Variants in RGPD8 observed in about 807,000 individuals in gnomAD.
RGPD8 encodes the protein RANBP2-like and GRIP domain-containing protein 8.
A neutral mutation model predicts 89.1 loss-of-function variants in RGPD8; 15 were observed. That is an observed-to-expected ratio of 0.17 (90% CI 0.11 to 0.26). The LOEUF is 0.26. RGPD8 is among the 10% of genes least tolerant of loss of function. The pLI, the probability that RGPD8 is intolerant of heterozygous loss-of-function variation, is 1.00. For missense variants in RGPD8, 178 were observed against 1,179.6 expected, an observed-to-expected ratio of 0.15 and a Z score of 12.44; for synonymous variants, 62 against 420.9, an observed-to-expected ratio of 0.15 and a Z score of 10.44.
intron 7 of RGPD8, among the ~76,000 whole-genome samples, chr2:112,411,570 C>CAAAA (rs1190383425): frequency 6.3e-4 from 1 of 1,588 alleles, no homozygotes; most frequent in Non-Finnish European, 9.3e-4. Context: ...GACTGCGTCT[C>CAAAA]AAAAAAAAAA....
rs546932157 is a variant in RGPD8 at position 112,433,394 on chromosome 2, C to T, written c.60G>A (p.Pro20=). ...RYVASVLGLT[P]SPRQKSMKGF... is the part of the protein sequence containing the mutation. The stretch of plus-strand genomic sequence containing the variant: ...CAGACCCACTCACCTGTCGAGGCGA[C>T]GGGGTGAGACCCAGCACCGAGGCGA... Residue 20 remains proline (P), a synonymous_variant, in exon 1 of 23, where the codon CCG becomes CCA. Coordinates refer to ENST00000302558, the MANE Select transcript of RGPD8 (RefSeq NM_001164463.1). The T allele has an allele frequency of 1.9e-5, 31 of 1,610,326 alleles. No individual in the cohort carries two copies. In the South Asian group the frequency reaches 3.1e-4, roughly 16 times the overall value.
At chr2:112,404,627 TG>T (rs1678959296) in intron 8 of RGPD8, among the ~76,000 whole-genome samples, 1 of 20,444 alleles carries the variant, frequency 4.9e-5, no homozygotes, top group Non-Finnish European at 1.2e-4. Flanking sequence ...GAGGCCAAGC[TG>T]GGTGGATAAT....
intron 1 of RGPD8, among the ~76,000 whole-genome samples, chr2:112,429,758 A>C (rs943874993): frequency 1.3e-5 from 2 of 152,214 alleles, no homozygotes; most frequent in Non-Finnish European, 2.9e-5. Flanking sequence ...TAGAAAAACT[A>C]AACAGAAGCC....
chr2:112,433,334 C>CGCCCTCTTCCAGACCCACTCGCCTCG (rs1680145820), intron 1 of RGPD8, 48 bp downstream of exon 1: 1 of 1,389,352 alleles, frequency 7.2e-7, no homozygotes, highest in Non-Finnish European at 9.6e-7. Flanking sequence ...TCGAGGCCGC[C>CGCCCTCTTCCAGACCCACTCGCCTCG]GCCGCCCGGC....
chr2:112,413,777 C>T (rs1429865237), intron 6 of RGPD8, among the ~76,000 whole-genome samples: 1 of 102,354 alleles, frequency 9.8e-6, no homozygotes, highest in Non-Finnish European at 1.9e-5. Context: ...TCTTGGCTTA[C>T]TGCAACCTCT....
chr2:112,431,123 G>C (rs1162876431), intron 1 of RGPD8, among the ~76,000 whole-genome samples: 7 of 152,098 alleles, frequency 4.6e-5, no homozygotes, highest in African/African-American at 7.2e-5. Flanking sequence ...AGCGGGTGTG[G>C]TGGGTACACC....
rs1678868237 is a variant in RGPD8 at position 112,399,777 on chromosome 2, CATAGA to C, written c.1918-13_1918-9del. The C allele has an allele frequency of 6.3e-7, 1 of 1,594,854 alleles. No individual in the cohort carries two copies. The highest frequency in any genetic ancestry group is 1.6e-5 in the African/African-American group (1 of 64,314). ...TTCAACAATTTCTGATGCCTAAACA[CATAGA>C]ATAGTTTTTAGTCAAATTGTTTATA... On this transcript the variant is annotated splice_polypyrimidine_tract_variant and intron_variant, in intron 13 of 22. Coordinates refer to ENST00000302558, the MANE Select transcript of RGPD8 (RefSeq NM_001164463.1).
intron 1 of RGPD8, among the ~76,000 whole-genome samples, chr2:112,429,186 T>G (rs1417652461): frequency 6.6e-6 from 1 of 151,538 alleles, no homozygotes; most frequent in African/African-American, 2.4e-5. Flanking sequence ...TTTGGGAGGC[T>G]GAGGCGGGCG....
At chr2:112,380,477 C>A (rs1366770640) in intron 21 of RGPD8, among the ~76,000 whole-genome samples, 1 of 145,708 alleles carries the variant, frequency 6.9e-6, no homozygotes, top group Admixed American at 6.9e-5. Context: ...CATGGTAAAC[C>A]CTGTCTCTAC....
intron 1 of RGPD8, chr2:112,432,696 C>T (rs1680096853): frequency 1.0e-6 from 1 of 985,342 alleles, no homozygotes. Flanking sequence ...CCCCCGAGAA[C>T]TAGGCCGCGC....
At chr2:112,415,879 C>CAA (rs1333260729) in intron 6 of RGPD8, among the ~76,000 whole-genome samples, 16 of 115,036 alleles carry the variant, frequency 1.4e-4, no homozygotes, top group Non-Finnish European at 2.2e-4. Flanking sequence ...GACTCAGTCT[C>CAA]AAAAAAAAAA....
At chr2:112,424,968 GA>G (rs1489244925) in intron 1 of RGPD8, among the ~76,000 whole-genome samples, 1 of 151,360 alleles carries the variant, frequency 6.6e-6, no homozygotes, top group East Asian at 1.9e-4. Context: ...GGAGGCCAAG[GA>G]AGGAGAATCA....
chr2:112,391,223 T>C (rs1351559575), intron 18 of RGPD8, among the ~76,000 whole-genome samples, 154 bp from the exon 19 acceptor site: 55 of 150,666 alleles, frequency 3.7e-4, no homozygotes, highest in African/African-American at 1.3e-3. Context: ...AATACACCAA[T>C]CAAGATTATC....
chr2:112,429,415 CA>C (rs71412832), intron 1 of RGPD8, among the ~76,000 whole-genome samples: 255 of 45,760 alleles, frequency 5.6e-3, no homozygotes, highest in Middle Eastern at 0.037. Flanking sequence ...GACTCCGTCT[CA>C]AAAAAAAAAA....
At chr2:112,425,624 G>A (rs1311380716) in intron 1 of RGPD8, among the ~76,000 whole-genome samples, 1 of 151,824 alleles carries the variant, frequency 6.6e-6, no homozygotes, top group Non-Finnish European at 1.5e-5. Flanking sequence ...GCTGGGCATG[G>A]TGGCACACGC....
intron 21 of RGPD8, 25 bp downstream of exon 21, chr2:112,380,799 C>A: frequency 1.4e-6 from 2 of 1,380,640 alleles, no homozygotes; most frequent in Non-Finnish European, 2.0e-6. Flanking sequence ...GCGGTTTTCA[C>A]GGTGGCCAGG....
intron 1 of RGPD8, chr2:112,432,469 G>T: frequency 1.4e-5 from 14 of 985,170 alleles, no homozygotes; most frequent in Non-Finnish European, 1.7e-5. Flanking sequence ...TCAAAACAAG[G>T]GGACTTTCCG....
intron 6 of RGPD8, among the ~76,000 whole-genome samples, chr2:112,415,831 C>T (rs879380276): frequency 7.4e-3 from 1,079 of 146,644 alleles, no homozygotes; most frequent in South Asian, 0.029. Flanking sequence ...TGCAGTGAGC[C>T]GAGACTGCAC....
intron 6 of RGPD8, among the ~76,000 whole-genome samples, chr2:112,413,593 G>A (rs2104812015): frequency 7.5e-6 from 1 of 132,524 alleles, no homozygotes; most frequent in East Asian, 2.0e-4. Flanking sequence ...AGATCTCTGA[G>A]GGTGCTCAAA....
Sources: gnomAD v4.1 joint callset for allele counts (sites outside exome capture counted in the v4.1 genomes callset) on GRCh38, gnomAD v4.1.1 for gene constraint, MANE v1.5 for transcripts, NCBI Gene and HGNC (gene_info 2026-07-23, HGNC 2026-07-21) for gene names.